DPF3: variants seen among roughly 807,000 people sequenced by gnomAD.
The protein encoded by DPF3 is double PHD fingers 3.
A neutral mutation model predicts 56.8 loss-of-function variants in DPF3; 18 were observed. The ratio of observed to expected loss-of-function variants is 0.32; its 90% CI spans 0.22 to 0.47. The LOEUF is 0.47. Among genes scored for constraint, DPF3 ranks in the 20% least tolerant of loss-of-function variants. DPF3 has a pLI of 1.00. For synonymous variants in DPF3, 188 were observed against 180.2 expected (o/e 1.04, Z -0.35); for missense variants, 403 against 488.8 (o/e 0.82, Z 1.65).
At chr14:72,662,847 G>A in intron 8 of DPF3, 1 of 984,152 alleles carries the variant, frequency 1.0e-6, no homozygotes, top group Non-Finnish European at 1.2e-6. Context: ...CAGAGGGAAA[G>A]GCAATGAAAG....
At chr14:72,657,918 A>C (rs538917908) in intron 8 of DPF3, among the ~76,000 whole-genome samples, 1 of 152,172 alleles carries the variant, frequency 6.6e-6, no homozygotes, top group East Asian at 1.9e-4. Context: ...TAAGGCAAAA[A>C]AATTTCTTAT....
At chr14:72,656,132 C>T (rs768145778) in intron 8 of DPF3, among the ~76,000 whole-genome samples, 3 of 152,152 alleles carry the variant, frequency 2.0e-5, no homozygotes, top group Admixed American at 6.6e-5. Flanking sequence ...GTTAAACAAC[C>T]CCAAATCCAC....
At chr14:72,839,469 TGTGGCAGGCAGGC>T (rs747291897) in intron 1 of DPF3, among the ~76,000 whole-genome samples, 22 of 152,160 alleles carry the variant, frequency 1.4e-4, no homozygotes, top group Non-Finnish European at 2.6e-4. Flanking sequence ...GGGCTGGGGA[TGTGGCAGGCAGGC>T]GTGGAAGTGA....
chr14:72,628,641 AG>A (rs1473417862), intron 9 of DPF3, among the ~76,000 whole-genome samples: 1 of 151,752 alleles, frequency 6.6e-6, no homozygotes, highest in Non-Finnish European at 1.5e-5. Context: ...GCCAAAAGAG[AG>A]AGAGAGAGAG....
intron 6 of DPF3, among the ~76,000 whole-genome samples, chr14:72,701,577 C>T (rs780649280): frequency 2.0e-5 from 3 of 152,182 alleles, no homozygotes; most frequent in Non-Finnish European, 4.4e-5. Flanking sequence ...GAGGAGGAAT[C>T]AGGGGCAGCT....
rs1046057972 is a variant in DPF3 at position 72,629,654 on chromosome 14, G to A, written c.954C>T (p.Ser318=). ...TCTCTGAGGTCCCACAGAGGATACA[G>A]GATTTGCACTCTATGCACTGCCACT... The part of the protein sequence containing the change: ...TYKWQCIECK[S]CILCGTSEND... The change falls in exon 9 of 11, where the codon TCC becomes TCT. Residue 318 remains serine (S), a synonymous_variant. Coordinates refer to ENST00000556509, the MANE Select transcript of DPF3 (RefSeq NM_001280542.3). 1.1e-5 allele frequency: 17 copies of A among 1,535,972 alleles called. No individual in the cohort carries two copies. Among genetic ancestry groups the A allele is most frequent in the Admixed American group, 2.0e-5 (1 of 50,982 alleles).
chr14:72,874,602 C>T (rs1886037901), intron 1 of DPF3, among the ~76,000 whole-genome samples: 1 of 152,224 alleles, frequency 6.6e-6, no homozygotes, highest in Non-Finnish European at 1.5e-5. Flanking sequence ...TGCCGCCAGT[C>T]TCTTCGCTAA....
At chr14:72,877,002 C>G (rs1483843399) in intron 1 of DPF3, among the ~76,000 whole-genome samples, 1 of 152,212 alleles carries the variant, frequency 6.6e-6, no homozygotes. Flanking sequence ...AATACTCTTT[C>G]CTTCCTTTGT....
intron 1 of DPF3, among the ~76,000 whole-genome samples, chr14:72,854,496 C>T (rs1885105199): frequency 1.3e-5 from 2 of 152,132 alleles, no homozygotes; most frequent in South Asian, 4.1e-4. Flanking sequence ...AAATGGAGAC[C>T]TGACCTCAAA....
At chr14:72,802,265 G>T (rs1892922886) in intron 1 of DPF3, among the ~76,000 whole-genome samples, 1 of 152,172 alleles carries the variant, frequency 6.6e-6, no homozygotes. Context: ...CAGAGTCATG[G>T]CGAACTGTAC....
intron 1 of DPF3, among the ~76,000 whole-genome samples, chr14:72,774,261 C>CT (rs1305295089): frequency 6.5e-5 from 4 of 61,798 alleles, no homozygotes; most frequent in South Asian, 8.1e-4. Context: ...GAGACTCTGT[C>CT]TAAAAAAAAA....
rs540976862 is a variant in DPF3, at chr14:72,816,658, G to A, written c.33-44765C>T. ...CATAAATGGAAAAAAAAAAAAGGAAGTAGTATGTAAAAGCACTTTGGAAAT... is the reference window on the plus strand; with the variant it reads ...CATAAATGGAAAAAAAAAAAAGGAAATAGTATGTAAAAGCACTTTGGAAAT... On this transcript the variant is annotated intron_variant, in intron 1 of 10. Coordinates refer to ENST00000556509, the MANE Select transcript of DPF3 (RefSeq NM_001280542.3). Among the ~76,000 whole-genome samples the A allele has an allele frequency of 1.5e-4, 23 of 151,702 alleles. No homozygotes were observed. The South Asian group carries it at 4.8e-3, about 32-fold the overall frequency.
chr14:72,669,807 C>T (rs1249353411), intron 8 of DPF3: 1 of 785,672 alleles, frequency 1.3e-6, no homozygotes, highest in Non-Finnish European at 1.5e-6. Flanking sequence ...GGAGACACTC[C>T]AGCAGCCACT....
At chr14:72,821,063 C>T (rs780839280) in intron 1 of DPF3, among the ~76,000 whole-genome samples, 4 of 150,338 alleles carry the variant, frequency 2.7e-5, no homozygotes, top group South Asian at 2.1e-4. Context: ...GAACCTGAGA[C>T]GCAGAGGTTG....
At chr14:72,850,534 T>C (rs75680577) in intron 1 of DPF3, among the ~76,000 whole-genome samples, 2,314 of 152,302 alleles carry the variant, frequency 0.015, 55 homozygotes, top group African/African-American at 0.054. Flanking sequence ...AGCTCCCAGA[T>C]GTCCCCGCCC....
At chr14:72,856,097 T>A (rs1287248190) in intron 1 of DPF3, among the ~76,000 whole-genome samples, 1 of 152,218 alleles carries the variant, frequency 6.6e-6, no homozygotes, top group Non-Finnish European at 1.5e-5. Context: ...CAGAGCTGTT[T>A]CATGCAATAG....
chr14:72,728,915 G>A (rs180954818), intron 4 of DPF3, among the ~76,000 whole-genome samples: 7 of 152,208 alleles, frequency 4.6e-5, no homozygotes, highest in African/African-American at 1.7e-4. Context: ...TCAGGGCAAG[G>A]GTGTGAGATG....
chr14:72,804,703 T>C (rs1893021248), intron 1 of DPF3, among the ~76,000 whole-genome samples: 2 of 152,210 alleles, frequency 1.3e-5, no homozygotes, highest in South Asian at 4.1e-4. Flanking sequence ...GTATGACACA[T>C]AGAGCCCTCA....
chr14:72,767,172 A>G (rs777326764), intron 2 of DPF3, among the ~76,000 whole-genome samples: 43 of 152,222 alleles, frequency 2.8e-4, no homozygotes, highest in Admixed American at 7.9e-4. Context: ...CCCTACTAGC[A>G]TAGCTTGAAA....
Sources: allele counts gnomAD v4.1 joint callset (sites outside exome capture counted in the v4.1 genomes callset), GRCh38; gene constraint gnomAD v4.1.1; transcripts MANE v1.5; gene names NCBI Gene and HGNC (gene_info 2026-07-23, HGNC 2026-07-21).